The following TMIGD3 variants were observed in gnomAD, a reference collection of about 807,000 sequenced individuals.
TMIGD3 encodes AD026 protein (AD026).
In TMIGD3, 21 loss-of-function variants were observed where a neutral mutation model predicts 28.1. The ratio of observed to expected loss-of-function variants is 0.75; its 90% confidence interval spans 0.53 to 1.08. TMIGD3 has a LOEUF of 1.08. Among genes scored for constraint, TMIGD3 ranks in the 50% least tolerant of loss-of-function variants. The pLI, the probability that TMIGD3 is intolerant of heterozygous loss-of-function variation, is 0.00. For synonymous variants in TMIGD3, 151 were observed against 162.1 expected, an observed-to-expected ratio of 0.93 and a Z score of 0.52; for missense variants, 416 against 435.6, an observed-to-expected ratio of 0.96 and a Z score of 0.40.
intron 1 of TMIGD3, among the ~76,000 whole-genome samples, chr1:111,514,108 A>T (rs2100997034): frequency 6.6e-6 from 1 of 152,344 alleles, no homozygotes; most frequent in Non-Finnish European, 1.5e-5. Flanking sequence ...TGAAGGGAGG[A>T]TGCACATACC....
At chr1:111,559,454 T>C (rs1657644019) in intron 1 of TMIGD3, among the ~76,000 whole-genome samples, 1 of 152,192 alleles carries the variant, frequency 6.6e-6, no homozygotes, top group African/African-American at 2.4e-5. Context: ...AGCATAATAC[T>C]GGTCATCAAG....
intron 1 of TMIGD3, among the ~76,000 whole-genome samples, chr1:111,519,753 C>T (rs1361619007): frequency 6.6e-6 from 1 of 150,922 alleles, no homozygotes; most frequent in Non-Finnish European, 1.5e-5. Context: ...AGTGCAGTGG[C>T]ATGATCTCGG....
intron 1 of TMIGD3, among the ~76,000 whole-genome samples, chr1:111,513,368 G>A (rs1655754670): frequency 1.3e-5 from 2 of 152,178 alleles, no homozygotes; most frequent in African/African-American, 2.4e-5. Context: ...CGGCAAACAC[G>A]GAGGCACATG....
intron 1 of TMIGD3, among the ~76,000 whole-genome samples, chr1:111,554,146 T>C (rs1266800060): frequency 2.0e-5 from 3 of 152,230 alleles, no homozygotes; most frequent in African/African-American, 4.8e-5. Context: ...AGTTTCTCCA[T>C]CTTTAAAATA....
At chr1:111,487,147 C>G (rs1399127905) in intron 3 of TMIGD3, among the ~76,000 whole-genome samples, 1 of 152,198 alleles carries the variant, frequency 6.6e-6, no homozygotes, top group South Asian at 2.1e-4. Context: ...CTACGATACC[C>G]CCTCTGATAA....
At chr1:111,509,020 G>A (rs1041741801) in intron 1 of TMIGD3, among the ~76,000 whole-genome samples, 2 of 152,214 alleles carry the variant, frequency 1.3e-5, no homozygotes, top group Non-Finnish European at 1.5e-5. Context: ...GCTTGAACCC[G>A]GGAGGCGGAG....
intron 1 of TMIGD3, among the ~76,000 whole-genome samples, chr1:111,561,543 A>T (rs966900749): frequency 6.6e-6 from 1 of 152,182 alleles, no homozygotes; most frequent in Non-Finnish European, 1.5e-5. Flanking sequence ...GGAAATACAG[A>T]CTGAGATACA....
At chr1:111,545,777 G>A (rs58306714) in intron 1 of TMIGD3, among the ~76,000 whole-genome samples, 1 of 151,960 alleles carries the variant, frequency 6.6e-6, no homozygotes, top group East Asian at 1.9e-4. Context: ...TTATTTGATC[G>A]ATTTTTACTT....
chr1:111,484,312 G>T (rs1654256407), intron 5 of TMIGD3, among the ~76,000 whole-genome samples: 1 of 152,084 alleles, frequency 6.6e-6, no homozygotes, highest in Non-Finnish European at 1.5e-5. Flanking sequence ...AGCTAGCATG[G>T]TCCTTTTTTG....
chr1:111,561,588 A>AG (rs1360186587), intron 1 of TMIGD3, among the ~76,000 whole-genome samples: 1 of 152,226 alleles, frequency 6.6e-6, no homozygotes, highest in African/African-American at 2.4e-5. Flanking sequence ...CCACATGGTC[A>AG]GGTCAAACAC....
chr1:111,521,192 G>C (rs894514679), intron 1 of TMIGD3, among the ~76,000 whole-genome samples: 1 of 152,172 alleles, frequency 6.6e-6, no homozygotes, highest in African/African-American at 2.4e-5. Flanking sequence ...TTCACCTATT[G>C]ATGGACATCT....
At position 111,483,671 on chromosome 1, in the gene TMIGD3, T is replaced by G. The variant is rs765581435; in HGVS notation, c.*16A>C. The G allele has an allele frequency of 6.2e-7, 1 of 1,600,414 alleles. No homozygotes were observed. The highest frequency in any genetic ancestry group is 1.1e-5 in the South Asian group (1 of 90,756). ...TTGTAGCATCACTTTATGAACTAAA[T>G]TAAAAAAATCTTCAGTCACATCTGT... On this transcript the variant is annotated 3_prime_UTR_variant, in exon 6 of 6. Coordinates refer to ENST00000369716, the MANE Select transcript of TMIGD3 (RefSeq NM_020683.7).
chr1:111,495,066 A>G (rs1654828506), intron 1 of TMIGD3, among the ~76,000 whole-genome samples: 1 of 152,258 alleles, frequency 6.6e-6, no homozygotes. Flanking sequence ...AGCCAATACC[A>G]TTCTGGACAT....
intron 1 of TMIGD3, among the ~76,000 whole-genome samples, chr1:111,515,463 T>C (rs969978655): frequency 3.3e-5 from 5 of 152,154 alleles, no homozygotes; most frequent in African/African-American, 4.8e-5. Flanking sequence ...TTGTAGAGAT[T>C]GGTGTTCCCC....
At chr1:111,542,126 T>C (rs1656854494) in intron 1 of TMIGD3, 2 of 242,450 alleles carry the variant, frequency 8.2e-6, no homozygotes, top group Admixed American at 9.2e-5. Flanking sequence ...ATGTTTATTT[T>C]ATGTACAAAG....
At chr1:111,485,456 G>T (rs577798664) in intron 5 of TMIGD3, 158 of 337,010 alleles carry the variant, frequency 4.7e-4, no homozygotes, top group African/African-American at 3.2e-3. Context: ...GGGGAGGTAG[G>T]TGGCTCTGCA....
chr1:111,533,285 T>C (rs1201330375), intron 1 of TMIGD3, among the ~76,000 whole-genome samples: 1 of 152,196 alleles, frequency 6.6e-6, no homozygotes, highest in Non-Finnish European at 1.5e-5. Flanking sequence ...CATACCTTGA[T>C]TCCTGGAAAT....
rs1390168908 is a variant in TMIGD3, at chr1:111,529,103, TA to T, written c.107+34742del. 6.5e-4 allele frequency among the ~76,000 whole-genome samples: 99 copies of T among 151,620 alleles called. 1 individual carries two copies. The highest frequency in any genetic ancestry group is 2.0e-3 in the African/African-American group (84 of 41,412). On this transcript the variant is annotated intron_variant, in intron 1 of 5. Coordinates refer to the TMIGD3 transcript ENST00000369717. ...CTTTGTAATTATTTTATTTATTTTT[TA>T]TTTTTTTTATTTTTTGTAATTTGAA...
intron 1 of TMIGD3, among the ~76,000 whole-genome samples, chr1:111,492,077 G>C (rs1159971583): frequency 1.3e-5 from 2 of 152,194 alleles, no homozygotes; most frequent in Non-Finnish European, 2.9e-5. Context: ...TCTTGGGAAA[G>C]TCAGCCACCA....
Sources: gnomAD v4.1 joint callset for allele counts (sites outside exome capture counted in the v4.1 genomes callset) on GRCh38, gnomAD v4.1.1 for gene constraint, MANE v1.5 for transcripts, NCBI Gene and HGNC (gene_info 2026-07-23, HGNC 2026-07-21) for gene names.